The following TYW1B variants were observed in gnomAD, a reference collection of about 807,000 sequenced individuals.
The protein encoded by TYW1B is tRNA-yW synthesizing protein 1 homolog B.
A neutral mutation model predicts 86.9 loss-of-function variants in TYW1B; 73 were observed. The observed-to-expected ratio is 0.84, with a 90% confidence interval of 0.70 to 1.02. The LOEUF is 1.02. Among genes scored for constraint, TYW1B ranks in the 50% least tolerant of loss-of-function variants. The probability of loss-of-function intolerance (pLI) is 0.00; values close to 1 mark genes in which losing one functional copy is unlikely to be tolerated. For synonymous variants in TYW1B, 248 were observed against 292.8 expected (o/e 0.85, Z 1.56); for missense variants, 637 against 827.4 (o/e 0.77, Z 2.82).
intron 12 of TYW1B, among the ~76,000 whole-genome samples, chr7:72,625,076 T>A (rs11981859): frequency 1.3e-5 from 2 of 150,970 alleles, no homozygotes; most frequent in Non-Finnish European, 1.5e-5. Flanking sequence ...AAAAAAAAAA[T>A]TTAATTGTGG....
At chr7:72,789,034 T>C (rs1193917653) in intron 6 of TYW1B, among the ~76,000 whole-genome samples, 1 of 151,986 alleles carries the variant, frequency 6.6e-6, no homozygotes, top group Non-Finnish European at 1.5e-5. Flanking sequence ...TCTCACTATG[T>C]TGCCCAGGCT....
intron 6 of TYW1B, among the ~76,000 whole-genome samples, chr7:72,793,789 G>A (rs1489572084): frequency 6.6e-6 from 1 of 151,644 alleles, no homozygotes; most frequent in South Asian, 2.1e-4. Context: ...GCAGATCACA[G>A]AGATGAAAGA....
At chr7:72,769,616 G>C (rs1787832293) in intron 7 of TYW1B, among the ~76,000 whole-genome samples, 1 of 152,116 alleles carries the variant, frequency 6.6e-6, no homozygotes, top group Admixed American at 6.6e-5. Flanking sequence ...AAATAGAAAA[G>C]CCACAGTCTA....
chr7:72,577,176 A>C (rs1487175276), intron 13 of TYW1B, among the ~76,000 whole-genome samples: 1 of 149,208 alleles, frequency 6.7e-6, no homozygotes, highest in Non-Finnish European at 1.5e-5. Context: ...CTAAGGAAAA[A>C]TTTCCTGTTC....
intron 13 of TYW1B, among the ~76,000 whole-genome samples, chr7:72,595,230 G>A (rs189135178): frequency 1.3e-5 from 2 of 152,272 alleles, no homozygotes; most frequent in East Asian, 1.9e-4. Context: ...GATGTTATAT[G>A]TAGAAAATTA....
intron 6 of TYW1B, among the ~76,000 whole-genome samples, chr7:72,787,859 A>G (rs376767046): frequency 7.6e-4 from 116 of 152,316 alleles, no homozygotes; most frequent in African/African-American, 2.5e-3. Flanking sequence ...TTTCATATAC[A>G]ACAACTCTAT....
At chr7:72,600,084 C>T (rs1197363161) in intron 13 of TYW1B, among the ~76,000 whole-genome samples, 1 of 152,070 alleles carries the variant, frequency 6.6e-6, no homozygotes, top group Non-Finnish European at 1.5e-5. Context: ...TGAAGAAGAA[C>T]AAGTTAGAAG....
intron 11 of TYW1B, among the ~76,000 whole-genome samples, chr7:72,651,330 T>G (rs1279469018): frequency 6.6e-6 from 1 of 152,036 alleles, no homozygotes; most frequent in Non-Finnish European, 1.5e-5. Context: ...AAAAAAGAAA[T>G]AGAGAGGCCG....
intron 9 of TYW1B, among the ~76,000 whole-genome samples, chr7:72,726,606 C>T (rs1156873601): frequency 6.6e-6 from 1 of 152,050 alleles, no homozygotes; most frequent in Non-Finnish European, 1.5e-5. Flanking sequence ...TCAGGTGACC[C>T]GCCTACCTCA....
chr7:72,811,434 T>TA (rs1227005625), intron 3 of TYW1B, among the ~76,000 whole-genome samples: 3 of 151,994 alleles, frequency 2.0e-5, no homozygotes, highest in Non-Finnish European at 4.4e-5. Flanking sequence ...ACTGCTTCCT[T>TA]AGAGTGGAAG....
chr7:72,713,409 C>T (rs1403403184), intron 10 of TYW1B, among the ~76,000 whole-genome samples: 4 of 151,658 alleles, frequency 2.6e-5, no homozygotes, highest in South Asian at 2.1e-4. Flanking sequence ...ATTCCCCTAG[C>T]GACATATCTG....
At chr7:72,772,790 T>C (rs1787890160) in intron 7 of TYW1B, among the ~76,000 whole-genome samples, 1 of 152,222 alleles carries the variant, frequency 6.6e-6, no homozygotes, top group Non-Finnish European at 1.5e-5. Flanking sequence ...AAATACAGTC[T>C]GGATGACAGC....
In TYW1B at chr7:72,617,501, G is replaced by C. The variant is rs189145031; in HGVS notation, c.1618-662C>G. Among the ~76,000 whole-genome samples the C allele has an allele frequency of 6.5e-3, 989 of 152,122 alleles. 12 individuals are homozygous for C. Among genetic ancestry groups the C allele is most frequent in the African/African-American group, 0.021 (852 of 41,506 alleles). ...CGTGCCTCAGCCTTCCGAGTAGCTGGGATTACAGGCGCCTGCCACCACGCC... is the reference window on the plus strand; with the variant it reads ...CGTGCCTCAGCCTTCCGAGTAGCTGCGATTACAGGCGCCTGCCACCACGCC... On this transcript the variant is annotated intron_variant, in intron 12 of 13. Coordinates refer to ENST00000620995, the MANE Select transcript of TYW1B (RefSeq NM_001145440.3).
chr7:72,828,133 A>C lies in TYW1B; in HGVS notation c.-58T>G. 4 of 1,610,412 alleles carry C rather than the reference A, an allele frequency of 2.5e-6. No individual in the cohort carries two copies. Among genetic ancestry groups the C allele is most frequent in the South Asian group, 1.1e-5 (1 of 90,290 alleles). On this transcript the variant is annotated 5_prime_UTR_variant, in exon 1 of 14. Transcript: ENST00000620995. The stretch of plus-strand genomic sequence containing the variant: ...GGACCTGGAGAGCCCAAAGGTTCGC[A>C]CTGGTACTGCGAGACGCACCGAGCT...
chr7:72,612,626 A>G lies in TYW1B; in HGVS notation c.1785+4046T>C, dbSNP rs2949101. Among the ~76,000 whole-genome samples, 982 of 152,328 alleles carry G rather than the reference A, an allele frequency of 6.4e-3. 12 individuals carry two copies. The highest frequency in any genetic ancestry group is 0.02 in the African/African-American group (840 of 41,554). ...CACTAACGAGGGAGATGTGGACACC[A>G]GGTACCAAGTGTGAGACTCTGAAAA... On this transcript the variant is annotated intron_variant, in intron 13 of 13. Coordinates refer to ENST00000620995, the MANE Select transcript of TYW1B (RefSeq NM_001145440.3).
At chr7:72,825,541 G>A (rs1482331032) in intron 2 of TYW1B, among the ~76,000 whole-genome samples, 31 of 152,108 alleles carry the variant, frequency 2.0e-4, no homozygotes, top group African/African-American at 6.3e-4. Context: ...TAGCCAGAGC[G>A]TGGTAGCAGG....
intron 2 of TYW1B, among the ~76,000 whole-genome samples, chr7:72,822,704 A>C (rs1387699125): frequency 6.6e-6 from 1 of 152,192 alleles, no homozygotes; most frequent in Non-Finnish European, 1.5e-5. Context: ...CCTATCCTGT[A>C]ATCCTAGCCC....
Position 72,807,263 on chromosome 7 carries a change from G to A in TYW1B, c.526C>T (p.His176Tyr). The A allele has an allele frequency of 6.2e-7, 1 of 1,614,126 alleles. No homozygotes were observed. The highest frequency in any genetic ancestry group is 8.5e-7 in the Non-Finnish European group (1 of 1,180,036). The change falls in exon 5 of 14, where the codon CAC becomes TAC. Residue 176 changes from histidine (H) to tyrosine (Y), a missense_variant. His to Tyr is a moderately conservative substitution (Grantham distance 83). Transcript: ENST00000620995. ...EGDCDVVKSKHGSIEANFRAW... is the reference protein window; with the variant it reads ...EGDCDVVKSKYGSIEANFRAW... ...CTGAAGTTGGCCTCAATGCTGCCGT[G>A]CTTGCTTTTAACCACGTCGCAGTCG...
At chr7:72,662,250 T>G (rs1175889466) in intron 11 of TYW1B, among the ~76,000 whole-genome samples, 1 of 152,234 alleles carries the variant, frequency 6.6e-6, no homozygotes, top group African/African-American at 2.4e-5. Context: ...TATAAATCTT[T>G]AAATAGTTAG....
Sources: gnomAD v4.1 joint callset for allele counts (sites outside exome capture counted in the v4.1 genomes callset) on GRCh38, gnomAD v4.1.1 for gene constraint, MANE v1.5 for transcripts, NCBI Gene and HGNC (gene_info 2026-07-23, HGNC 2026-07-21) for gene names.